The following SGCD variants were observed in gnomAD, a reference collection of about 807,000 sequenced individuals.
The protein encoded by SGCD is delta-sarcoglycan.
SGCD carries 18 observed loss-of-function variants against 36.6 expected under a neutral mutation model. That is an observed-to-expected ratio of 0.49 (90% CI 0.34 to 0.73). The LOEUF (loss-of-function observed/expected upper bound fraction) is 0.73. Among genes scored for constraint, SGCD ranks in the 30% least tolerant of loss-of-function variants. SGCD has a pLI of 0.01. For missense variants in SGCD, 387 were observed against 346.7 expected, an observed-to-expected ratio of 1.12 and a Z score of -0.92; for synonymous variants, 133 against 130.6, an observed-to-expected ratio of 1.02 and a Z score of -0.12.
At chr5:155,831,297 G>A in the SGCD span, among the ~76,000 whole-genome samples, 6 of 152,110 alleles carry the variant, frequency 3.9e-5, no homozygotes, top group African/African-American at 1.4e-4. Context: ...TGATATCAGG[G>A]TCTCTCCCTT....
chr5:156,234,107 T>C (rs772142618), intron 3 of SGCD, among the ~76,000 whole-genome samples: 1 of 152,192 alleles, frequency 6.6e-6, no homozygotes, highest in Admixed American at 6.5e-5. Flanking sequence ...TCGTTGTTGT[T>C]TCAGTATCAA....
At chr5:155,868,360 C>CTTTTTTT (rs10532701), upstream of SGCD, among the ~76,000 whole-genome samples, 6 of 110,704 alleles carry the variant, frequency 5.4e-5, no homozygotes, top group Non-Finnish European at 7.2e-5. Context: ...CCCTTTTTTT[C>CTTTTTTT]TTTTTTTTTT....
chr5:156,103,113 T>A (rs959305065), intron 1 of SGCD, among the ~76,000 whole-genome samples: 11 of 152,190 alleles, frequency 7.2e-5, no homozygotes, highest in African/African-American at 2.7e-4. Context: ...ATTGGATTGA[T>A]CTTCCAGTAA....
At chr5:155,735,617 T>G in the SGCD span, among the ~76,000 whole-genome samples, 13 of 152,186 alleles carry the variant, frequency 8.5e-5, no homozygotes, top group African/African-American at 4.8e-5. Context: ...AACACATGCT[T>G]GGTGAGCTAC....
At chr5:156,139,976 C>T (rs981730333) in intron 3 of SGCD, among the ~76,000 whole-genome samples, 2 of 152,166 alleles carry the variant, frequency 1.3e-5, no homozygotes, top group African/African-American at 4.8e-5. Context: ...CATGTGAGGA[C>T]ACAGCATTCC....
intron 1 of SGCD, among the ~76,000 whole-genome samples, chr5:156,013,178 C>T (rs1758896648): frequency 1.3e-5 from 2 of 151,956 alleles, no homozygotes; most frequent in Non-Finnish European, 2.9e-5. Context: ...GCACACGCCA[C>T]CACACCCGGC....
At chr5:156,373,868 A>T (rs746586089) in intron 3 of SGCD, among the ~76,000 whole-genome samples, 17 of 152,170 alleles carry the variant, frequency 1.1e-4, no homozygotes, top group Non-Finnish European at 2.1e-4. Flanking sequence ...CACATCACCC[A>T]GTGGTCAGCA....
At chr5:156,420,237 T>C (rs922490054) in intron 3 of SGCD, among the ~76,000 whole-genome samples, 24 of 152,142 alleles carry the variant, frequency 1.6e-4, no homozygotes, top group African/African-American at 5.1e-4. Flanking sequence ...GAGCTCTCTT[T>C]CTGGTTTGAA....
At chr5:156,214,207 C>T (rs1049562947) in intron 3 of SGCD, among the ~76,000 whole-genome samples, 2 of 151,820 alleles carry the variant, frequency 1.3e-5, no homozygotes, top group African/African-American at 4.8e-5. Context: ...ACAGAAAACC[C>T]TCAAGACTTC....
chr5:156,366,853 C>T (rs570682690), intron 3 of SGCD, among the ~76,000 whole-genome samples: 1 of 152,112 alleles, frequency 6.6e-6, no homozygotes, highest in East Asian at 1.9e-4. Flanking sequence ...AAGAATTCTC[C>T]TTTAGAATAA....
chr5:155,835,684 AT>A, the SGCD span, among the ~76,000 whole-genome samples: 3 of 152,234 alleles, frequency 2.0e-5, no homozygotes, highest in South Asian at 4.2e-4. Context: ...AATTTTTGCC[AT>A]TTTTTTCTTG....
At chr5:156,072,630 A>T (rs576842838) in intron 1 of SGCD, among the ~76,000 whole-genome samples, 31 of 152,118 alleles carry the variant, frequency 2.0e-4, no homozygotes, top group African/African-American at 7.5e-4. Context: ...CTTCTTGAGG[A>T]GTATCTTTGT....
At chr5:156,088,686 T>TAA (rs1761163458) in intron 1 of SGCD, among the ~76,000 whole-genome samples, 1 of 152,080 alleles carries the variant, frequency 6.6e-6, no homozygotes, top group Admixed American at 6.6e-5. Flanking sequence ...AATATTATTA[T>TAA]TATCATTATT....
chr5:156,611,041 C>G (rs1761778238), intron 6 of SGCD, among the ~76,000 whole-genome samples: 1 of 152,200 alleles, frequency 6.6e-6, no homozygotes, highest in African/African-American at 2.4e-5. Context: ...TGTGCTGCAC[C>G]CACTGTCCTG....
intron 3 of SGCD, among the ~76,000 whole-genome samples, chr5:156,214,061 C>T (rs1263142879): frequency 1.3e-5 from 2 of 151,932 alleles, no homozygotes; most frequent in Non-Finnish European, 2.9e-5. Context: ...AGGATGCCCA[C>T]TTTTACCATG....
chr5:156,072,825 T>C (rs369195150), intron 1 of SGCD, among the ~76,000 whole-genome samples: 1 of 152,110 alleles, frequency 6.6e-6, no homozygotes, highest in East Asian at 1.9e-4. Context: ...CGGCTTTGTT[T>C]GTTTCTTTTT....
In SGCD at chr5:156,095,731, C is replaced by T. The variant is rs10037324; in HGVS notation, c.-281-22147C>T. ...CAAGCATAAATGTTCCCTACTCACA[C>T]GGTCGCTCCTAAACAAATTGTCACT... On this transcript the variant is annotated intron_variant, in intron 1 of 9. Coordinates refer to the SGCD transcript ENST00000517913. Among the ~76,000 whole-genome samples the T allele has an allele frequency of 1.9e-3, 290 of 152,286 alleles. 2 individuals are homozygous for T. Among genetic ancestry groups the T allele is most frequent in the African/African-American group, 6.6e-3 (275 of 41,570 alleles).
chr5:156,754,089 A>G (rs1431276476), intron 7 of SGCD, among the ~76,000 whole-genome samples: 1 of 152,102 alleles, frequency 6.6e-6, no homozygotes, highest in Non-Finnish European at 1.5e-5. Flanking sequence ...GCCCTTTCTC[A>G]CCACCCTGGT....
the SGCD span, among the ~76,000 whole-genome samples, chr5:155,821,019 C>T: frequency 1.3e-5 from 2 of 151,934 alleles, no homozygotes; most frequent in Admixed American, 6.6e-5. Context: ...CAAGTCCAGC[C>T]CCACAGAGAG....
Sources: allele counts gnomAD v4.1 joint callset (sites outside exome capture counted in the v4.1 genomes callset), GRCh38; gene constraint gnomAD v4.1.1; transcripts MANE v1.5; gene names NCBI Gene and HGNC (gene_info 2026-07-23, HGNC 2026-07-21).